Variants in COL16A1 observed in about 807,000 individuals in gnomAD.
COL16A1 encodes collagen alpha-1(XVI) chain.
COL16A1 carries 189 observed loss-of-function variants against 266.3 expected under a neutral mutation model. The observed-to-expected ratio is 0.71, with a 90% CI of 0.63 to 0.80. The LOEUF is 0.80. COL16A1 is among the 30% of genes least tolerant of loss of function. The pLI, the probability that COL16A1 is intolerant of heterozygous loss-of-function variation, is 0.00. For synonymous variants in COL16A1, 740 were observed against 782.3 expected, an observed-to-expected ratio of 0.95 and a Z score of 0.90; for missense variants, 1,928 against 2,122.4, an observed-to-expected ratio of 0.91 and a Z score of 1.80.
chr1:31,702,364 C>G, intron 1 of COL16A1, 137 bp from the exon 2 acceptor site: 3 of 812,074 alleles, frequency 3.7e-6, no homozygotes, highest in Non-Finnish European at 5.9e-6. Flanking sequence ...GCATCAGTCT[C>G]TCTCAGAGGC....
rs113830316 is a variant in COL16A1, at chr1:31,699,121, A to C, written c.267-515T>G. On this transcript the variant is annotated intron_variant, in intron 4 of 70. Transcript: ENST00000373672. ...AAAAGAAAACCAACCAACCAACCAA[A>C]CAAACAAACAAACAAAAAACCCACA... Among the ~76,000 whole-genome samples, 1,321 of 148,922 alleles carry C rather than the reference A, an allele frequency of 8.9e-3. 9 individuals carry two copies. The highest frequency in any genetic ancestry group is 0.014 in the Non-Finnish European group (958 of 67,184).
At chr1:31,665,986 G>A (rs750052106) in intron 53 of COL16A1, 51 bp from the exon 54 acceptor site, 2 of 1,613,428 alleles carry the variant, frequency 1.2e-6, no homozygotes, top group African/African-American at 2.7e-5. Flanking sequence ...CCTGCCCTCA[G>A]ACCCCAGGAC....
chr1:31,701,964 G>A (rs1216214402), intron 2 of COL16A1, among the ~76,000 whole-genome samples, 157 bp downstream of exon 2: 3 of 152,002 alleles, frequency 2.0e-5, no homozygotes, highest in Non-Finnish European at 4.4e-5. Context: ...CAGGCTCAAG[G>A]GTGCCAACAC....
rs376005761 is a variant in COL16A1, at chr1:31,679,694, G to C, written c.2719-9C>G. 1.2e-6 allele frequency: 2 copies of C among 1,613,884 alleles called. No homozygotes were observed. Among genetic ancestry groups the C allele is most frequent in the African/African-American group, 2.7e-5 (2 of 74,944 alleles). On this transcript the variant is annotated splice_polypyrimidine_tract_variant and intron_variant, in intron 41 of 70. Coordinates refer to ENST00000373672, the MANE Select transcript of COL16A1 (RefSeq NM_001856.4). Reference sequence around the variant, plus strand: ...GGAATACCTGGTGGACCCTGAGGGAGAGAGAAAAGAGTCAGAGCCAGCAGA... The same window carrying C: ...GGAATACCTGGTGGACCCTGAGGGACAGAGAAAAGAGTCAGAGCCAGCAGA...
chr1:31,667,755 C>A, intron 51 of COL16A1, 127 bp from the exon 52 acceptor site: 2 of 935,456 alleles, frequency 2.1e-6, no homozygotes, highest in Non-Finnish European at 3.3e-6. Context: ...GGGAGGACCG[C>A]TGGGTGCTCC....
chr1:31,682,959 G>A lies in COL16A1; in HGVS notation c.2513C>T (p.Pro838Leu), dbSNP rs1643750225. 6 of 1,614,084 alleles carry A rather than the reference G, an allele frequency of 3.7e-6. No individual in the cohort carries two copies. In the East Asian group the frequency reaches 1.3e-4, roughly 36 times the overall value. ...CGGAGGCCCAGAGACACTGGCCCCA[G>A]GAGGTCCCACAGGTCCGGTGGCTCC... Reference protein sequence around the residue: ...VKGATGPVGPPGASVSGPPGR... With the variant: ...VKGATGPVGPLGASVSGPPGR... The change falls in exon 37 of 71, where the codon CCT becomes CTT. Residue 838 changes from proline to leucine, a missense_variant. Physicochemically the swap from Pro to Leu is moderately conservative, Grantham distance 98. Around this residue, in one of 2 missense-constraint regions of COL16A1, gnomAD observed 1,552 missense variants for 1,637.2 expected, o/e 0.95. Transcript: ENST00000373672.
intron 70 of COL16A1, chr1:31,653,394 G>T: frequency 1.8e-6 from 1 of 567,448 alleles, no homozygotes; most frequent in Non-Finnish European, 3.0e-6. Flanking sequence ...GCCCAGTTTA[G>T]GACTTAAGGA....
rs1642001281 is a variant in COL16A1, at chr1:31,664,958, G to A, written c.3555+214C>T. Among the ~76,000 whole-genome samples the A allele has an allele frequency of 6.6e-6, 1 of 152,144 alleles. No individual in the cohort carries two copies. The highest frequency in any genetic ancestry group is 1.5e-5 in the Non-Finnish European group (1 of 68,022). ...CTGCACAGAGGCCGCAGGCATCCTG[G>A]GCCAAGCAGACATCCCGAGGAGCCC... is the stretch of plus-strand genomic sequence containing the variant. On this transcript the variant is annotated intron_variant, in intron 56 of 70. Coordinates refer to ENST00000373672, the MANE Select transcript of COL16A1 (RefSeq NM_001856.4). The surrounding 1 kb of genome is among the most constrained non-coding windows in gnomAD (Gnocchi z 5.5).
rs985872871 is a variant in COL16A1, at chr1:31,685,558, A to G, written c.2016+81T>C. The G allele has an allele frequency of 3.3e-5, 50 of 1,494,584 alleles. No individual in the cohort carries two copies. Among genetic ancestry groups the G allele is most frequent in the African/African-American group, 7.0e-5 (5 of 71,598 alleles). 92.6% of individuals were successfully genotyped at this position (1,494,584 alleles called of 1,614,324 possible). On this transcript the variant is annotated intron_variant, in intron 29 of 70. Transcript: ENST00000373672. This position sits in a 1 kb window ranked among gnomAD's most constrained non-coding sequence, Gnocchi z 4.0. ...ACCCCCAACTGCCCAGGGAGTCAAG[A>G]GACCCAGGCAGGACCCCTCCCCTCT... is the stretch of plus-strand genomic sequence containing the variant.
rs374209307 is a variant in COL16A1 at position 31,658,494 on chromosome 1, G to A, written c.4014C>T (p.Gly1338=). ...PGQPGPPGHP[G]PPGEPGTDGA... is the part of the protein sequence containing the mutation. ...GTAGAATGTGGGATCTTACTGGGGG[G>A]CCAGGGTGTCCAGGGGGGCCGGGCT... Residue 1338 remains glycine, a synonymous_variant, in exon 64 of 71, where the codon GGC becomes GGT. Transcript: ENST00000373672. 9.8e-5 allele frequency: 157 copies of A among 1,600,064 alleles called. 3 individuals carry two copies. The South Asian group carries it at 1.2e-3, about 12-fold the overall frequency.
In COL16A1 at chr1:31,685,764, G is replaced by A; in HGVS notation, c.1891C>T (p.Pro631Ser). Residue 631 changes from proline (P) to serine (S), a missense_variant, in exon 29 of 71, where the codon CCC becomes TCC. Coordinates refer to ENST00000373672, the MANE Select transcript of COL16A1 (RefSeq NM_001856.4). The surrounding 1 kb of genome is among the most constrained non-coding windows in gnomAD (Gnocchi z 4.0). ...GACAGGGCTGGGCACGGCTCACAGG[G>A]CTCCCCCTGCCAAGCAAGGACATTG... ...PAGIKGAKGE[P>S]CEPCPALSNL... 6.2e-7 allele frequency: 1 copy of A among 1,613,758 alleles called. No individual in the cohort carries two copies. Among genetic ancestry groups the A allele is most frequent in the Non-Finnish European group, 8.5e-7 (1 of 1,179,922 alleles).
Position 31,684,850 on chromosome 1 carries a change from C to A in COL16A1, c.2023G>T (p.Ala675Ser), listed in dbSNP as rs1161672841. The A allele has an allele frequency of 6.2e-7, 1 of 1,614,050 alleles. No individual in the cohort carries two copies. The highest frequency in any genetic ancestry group is 2.2e-5 in the East Asian group (1 of 44,884). Reference sequence around the variant, plus strand: ...TGCCCCTTCAGTCCACGCTCTCCAGCCTTGCCCTGAGGAGAAAGCATTTCC... The same window carrying A: ...TGCCCCTTCAGTCCACGCTCTCCAGACTTGCCCTGAGGAGAAAGCATTTCC... ...GFGLPGKQGK[A>S]GERGLKGQKG... The change falls in exon 30 of 71, where the codon GCT becomes TCT. Residue 675 changes from alanine (A) to serine (S), a missense_variant. By Grantham distance (99) the Ala-to-Ser change is moderately conservative. Around this residue, in one of 2 missense-constraint regions of COL16A1, gnomAD observed 1,552 missense variants for 1,637.2 expected, o/e 0.95. Coordinates refer to ENST00000373672, the MANE Select transcript of COL16A1 (RefSeq NM_001856.4).
chr1:31,702,427 T>A lies in COL16A1; in HGVS notation c.-34-200A>T, dbSNP rs191597677. ...GAGCAGAGGCGATATTCAAAATATT[T>A]AACCACCGGTATGGCACGGATACCA... is the stretch of plus-strand genomic sequence containing the variant. On this transcript the variant is annotated intron_variant, in intron 1 of 70. Coordinates refer to ENST00000373672, the MANE Select transcript of COL16A1 (RefSeq NM_001856.4). Among the ~76,000 whole-genome samples, 347 of 152,268 alleles carry A rather than the reference T, an allele frequency of 2.3e-3. 3 individuals are homozygous for A. The highest frequency in any genetic ancestry group is 1.7e-3 in the Non-Finnish European group (116 of 68,024).
In COL16A1 at chr1:31,689,077, A is replaced by C. The variant is rs764237514; in HGVS notation, c.1629T>G (p.Pro543=). The C allele has an allele frequency of 3.3e-5, 54 of 1,613,738 alleles. No individual in the cohort carries two copies. The highest frequency in any genetic ancestry group is 9.3e-6 in the Non-Finnish European group (11 of 1,180,010). Residue 543 remains proline (P), a synonymous_variant, in exon 24 of 71, where the codon CCT becomes CCG. Coordinates refer to ENST00000373672, the MANE Select transcript of COL16A1 (RefSeq NM_001856.4). ...PGDPVPARGD[P]GIQGIKGEKG... ...TCTCTCCTTTGATGCCTTGGATGCC[A>C]GGGTCTCCCTGCAGGGTAAAAAGGT...
Position 31,665,175 on chromosome 1 carries a change from C to T in COL16A1, c.3552G>A (p.Glu1184=), listed in dbSNP as rs1642020121. 2.5e-6 allele frequency: 4 copies of T among 1,606,714 alleles called. No homozygotes were observed. Among genetic ancestry groups the T allele is most frequent in the Non-Finnish European group, 3.4e-6 (4 of 1,177,986 alleles). The change falls in exon 56 of 71, where the codon GAG becomes GAA. Residue 1184 remains glutamate (E), a synonymous_variant. Transcript: ENST00000373672. ...GCCAACCCAGGGTCCTGCTCACCTTCTCTGCTTGAGGGCCAGGTGGGCCAG... is the reference window on the plus strand; with the variant it reads ...GCCAACCCAGGGTCCTGCTCACCTTTTCTGCTTGAGGGCCAGGTGGGCCAG... ...GSPGPPGPQA[E]KGSEGIRGPS...
In COL16A1 at chr1:31,697,044, A is replaced by T. The variant is rs563176685; in HGVS notation, c.783T>A (p.Asn261Lys). 367 of 1,614,034 alleles carry T rather than the reference A, an allele frequency of 2.3e-4. 9 individuals are homozygous for T. The South Asian group carries it at 3.8e-3, about 17-fold the overall frequency. The change falls in exon 8 of 71, where the codon AAT (asparagine) becomes AAA (lysine). Residue 261 changes from asparagine to lysine, a missense_variant. By Grantham distance (94) the Asn-to-Lys change is moderately conservative. Around this residue, in one of 2 missense-constraint regions of COL16A1, gnomAD observed 1,552 missense variants for 1,637.2 expected, o/e 0.95. Coordinates refer to ENST00000373672, the MANE Select transcript of COL16A1 (RefSeq NM_001856.4). The surrounding 1 kb of genome is among the most constrained non-coding windows in gnomAD (Gnocchi z 4.2). The part of the protein sequence containing the change: ...TSKARRDTQS[N>K]ELIEINPQSE... ...ACTGTGGATTGATCTCAATGAGCTC[A>T]TTGCTCTGGGTGTCCCGGCGGGCCT... is the stretch of plus-strand genomic sequence containing the variant.
chr1:31,666,111 C>A, intron 52 of COL16A1, 30 bp from the exon 53 acceptor site: 1 of 1,602,044 alleles, frequency 6.2e-7, no homozygotes, highest in Admixed American at 1.8e-5. Flanking sequence ...GAATCAGTCA[C>A]TCCTCCTGGG....
At chr1:31,666,763 G>A (rs948135881) in intron 52 of COL16A1, among the ~76,000 whole-genome samples, 3 of 152,034 alleles carry the variant, frequency 2.0e-5, no homozygotes, top group African/African-American at 7.3e-5. Flanking sequence ...TATGCCACCT[G>A]CTCAGAGAGG....
intron 13 of COL16A1, 69 bp from the exon 14 acceptor site, chr1:31,692,877 G>T: frequency 6.9e-7 from 1 of 1,455,754 alleles, no homozygotes; most frequent in Non-Finnish European, 9.6e-7. Flanking sequence ...GTTGTGAGGA[G>T]GATCGGCCCG....
Sources: allele counts gnomAD v4.1 joint callset (sites outside exome capture counted in the v4.1 genomes callset), GRCh38; gene constraint gnomAD v4.1.1; regional missense constraint gnomAD v4.1.1; non-coding constraint Gnocchi (gnomAD v3.1); transcripts MANE v1.5; gene names NCBI Gene and HGNC (gene_info 2026-07-23, HGNC 2026-07-21).